Variants in PPIP5K2 observed in about 807,000 individuals in gnomAD.
PPIP5K2 encodes the protein diphosphoinositol pentakisphosphate kinase 2.
In PPIP5K2, 105 loss-of-function variants were observed where a neutral mutation model predicts 154.6. That is an observed-to-expected ratio of 0.68 (90% confidence interval 0.58 to 0.80). PPIP5K2 has a LOEUF of 0.80. PPIP5K2 is among the 30% of genes least tolerant of loss of function. PPIP5K2 has a pLI of 0.00. For synonymous variants in PPIP5K2, 480 were observed against 490.3 expected, an observed-to-expected ratio of 0.98 and a Z score of 0.28; for missense variants, 992 against 1,504.6, an observed-to-expected ratio of 0.66 and a Z score of 5.64.
intron 19 of PPIP5K2, among the ~76,000 whole-genome samples, chr5:103,172,694 C>T (rs1258163840): frequency 2.0e-5 from 3 of 151,744 alleles, no homozygotes; most frequent in African/African-American, 7.3e-5. Flanking sequence ...CCAGTTAAAA[C>T]TTTAAAAATA....
intron 21 of PPIP5K2, chr5:103,176,809 G>A: frequency 9.5e-7 from 1 of 1,048,800 alleles, no homozygotes; most frequent in Non-Finnish European, 1.4e-6. Flanking sequence ...AATGCTTGTA[G>A]TACATGTTCT....
At chr5:103,183,176 C>CA (rs1799808735) in intron 24 of PPIP5K2, 58 bp from the exon 25 acceptor site, 1 of 538,166 alleles carries the variant, frequency 1.9e-6, no homozygotes, top group African/African-American at 6.5e-5. Flanking sequence ...GCATGCTCTG[C>CA]TTTTTTTTTT....
In PPIP5K2 at chr5:103,201,816, G is replaced by A; in HGVS notation, c.*182G>A. 1.8e-6 allele frequency: 1 copy of A among 553,134 alleles called. No individual in the cohort carries two copies. Among genetic ancestry groups the A allele is most frequent in the African/African-American group, 1.9e-5 (1 of 51,376 alleles). The allele number at this position is 553,134 out of a possible 1,614,324, so 34.3% of individuals were successfully genotyped here. On this transcript the variant is annotated 3_prime_UTR_variant, in exon 31 of 31. Transcript: ENST00000358359. ...TTAAAACAATGTTTGTTAGCATTCTGTGAGCAGCAAAACTTATAGTGATAA... is the reference window on the plus strand; with the variant it reads ...TTAAAACAATGTTTGTTAGCATTCTATGAGCAGCAAAACTTATAGTGATAA...
At chr5:103,143,415 T>A (rs1317615410) in intron 5 of PPIP5K2, among the ~76,000 whole-genome samples, 3 of 152,194 alleles carry the variant, frequency 2.0e-5, no homozygotes, top group African/African-American at 7.2e-5. Context: ...CAAAACTCCT[T>A]GGCTCATGTG....
intron 2 of PPIP5K2, among the ~76,000 whole-genome samples, chr5:103,130,428 C>T (rs180774517): frequency 2.6e-5 from 4 of 152,078 alleles, no homozygotes; most frequent in Middle Eastern, 6.8e-3. Context: ...TCATATATTT[C>T]TAATTGGAAA....
chr5:103,196,843 A>G (rs574915827), intron 30 of PPIP5K2, among the ~76,000 whole-genome samples: 5 of 152,260 alleles, frequency 3.3e-5, no homozygotes, highest in Admixed American at 6.5e-5. Context: ...TGAGGAAAAA[A>G]ACATAGGGTA....
chr5:103,129,657 A>C lies in PPIP5K2; in HGVS notation c.68A>C (p.His23Pro). ...GAAATAAATCCTGGAAATTATCGACATTTCTTCCACCATGCAGATGAAGAC... is the reference window on the plus strand; with the variant it reads ...GAAATAAATCCTGGAAATTATCGACCTTTCTTCCACCATGCAGATGAAGAC... ...DTEINPGNYR[H>P]FFHHADEDDE... Residue 23 changes from histidine to proline, a missense_variant, in exon 2 of 31, where the codon CAT (histidine) becomes CCT (proline). Transcript: ENST00000358359. 6.2e-7 allele frequency: 1 copy of C among 1,609,716 alleles called. No individual in the cohort carries two copies.
intron 5 of PPIP5K2, among the ~76,000 whole-genome samples, chr5:103,140,586 ACGCCTGTAATCC>A (rs1554206120): frequency 6.6e-6 from 1 of 152,150 alleles, no homozygotes; most frequent in Admixed American, 6.5e-5. Flanking sequence ...GCGGTGGCTC[ACGCCTGTAATCC>A]CAGCACTTTG....
intron 4 of PPIP5K2, 55 bp downstream of exon 4, chr5:103,136,877 C>A: frequency 8.0e-7 from 1 of 1,246,004 alleles, no homozygotes; most frequent in Non-Finnish European, 1.2e-6. Flanking sequence ...TAATTTAGTA[C>A]CTACTGTACA....
chr5:103,151,981 T>C (rs1554211522), intron 9 of PPIP5K2, among the ~76,000 whole-genome samples: 1 of 152,000 alleles, frequency 6.6e-6, no homozygotes, highest in Admixed American at 6.5e-5. Flanking sequence ...ATAGGAAACT[T>C]ACATTAAAAA....
At chr5:103,129,785 T>C in intron 2 of PPIP5K2, 82 bp downstream of exon 2, 1 of 1,394,524 alleles carries the variant, frequency 7.2e-7, no homozygotes, top group African/African-American at 1.5e-5. Context: ...CTTTTTTTGT[T>C]GGAAAATTTT....
At position 103,180,129 on chromosome 5, in the gene PPIP5K2, C is replaced by A; in HGVS notation, c.2863C>A (p.Pro955Thr). Residue 955 changes from proline to threonine, a missense_variant, in exon 24 of 31, where the codon CCA becomes ACA. This residue lies in a region of PPIP5K2 where 204 missense variants were observed against 224.0 expected (regional missense o/e 0.91). Coordinates refer to ENST00000358359, the MANE Select transcript of PPIP5K2 (RefSeq NM_001276277.3). ...VILFKPMVSE[P>T]IHIHRKSPLP... is the part of the protein sequence containing the mutation. Reference sequence around the variant, plus strand: ...ATTGTTTAAACCAATGGTATCAGAGCCAATTCATATACACAGGAAGTCTCC... The same window carrying A: ...ATTGTTTAAACCAATGGTATCAGAGACAATTCATATACACAGGAAGTCTCC... The A allele has an allele frequency of 6.2e-7, 1 of 1,603,470 alleles. No homozygotes were observed.
chr5:103,128,432 A>G (rs970817798), intron 1 of PPIP5K2, among the ~76,000 whole-genome samples: 2 of 151,062 alleles, frequency 1.3e-5, no homozygotes, highest in African/African-American at 4.9e-5. Context: ...TTTGAGACAG[A>G]GTCTTTCTCT....
Position 103,190,865 on chromosome 5 carries a change from C to G in PPIP5K2, c.3376C>G (p.Pro1126Ala), listed in dbSNP as rs1554226683. 1.9e-6 allele frequency: 3 copies of G among 1,597,024 alleles called. No individual in the cohort carries two copies. The highest frequency in any genetic ancestry group is 2.6e-6 in the Non-Finnish European group (3 of 1,172,194). The change falls in exon 29 of 31, where the codon CCA (proline) becomes GCA (alanine). Residue 1126 changes from proline (P) to alanine (A), a missense_variant. By Grantham distance (27) the Pro-to-Ala change is conservative. Transcript: ENST00000358359. ...AGGCTTTGAATTGTATTCCATGGTG[C>G]CATCTATTTGTCCTCTAGAAACTCT... ...TNGFELYSMV[P>A]SICPLETLHN... is the part of the protein sequence containing the mutation.
intron 21 of PPIP5K2, among the ~76,000 whole-genome samples, chr5:103,174,810 T>C (rs1798458028): frequency 6.6e-6 from 1 of 152,098 alleles, no homozygotes; most frequent in Non-Finnish European, 1.5e-5. Flanking sequence ...CCCTGTCCTA[T>C]TGTAAGAAGA....
At chr5:103,133,284 A>G (rs1282458352) in intron 2 of PPIP5K2, among the ~76,000 whole-genome samples, 169 bp from the exon 3 acceptor site, 1 of 152,102 alleles carries the variant, frequency 6.6e-6, no homozygotes, top group African/African-American at 2.4e-5. Flanking sequence ...CTGTTTTTTA[A>G]ATGTTTATTA....
Position 103,201,848 on chromosome 5 carries a change from A to G in PPIP5K2, c.*214A>G, listed in dbSNP as rs1048342689. Reference sequence around the variant, plus strand: ...GCAAAACTTATAGTGATAAAAATCGATTGTTGTTAATATGATGTTTACCAT... The same window carrying G: ...GCAAAACTTATAGTGATAAAAATCGGTTGTTGTTAATATGATGTTTACCAT... On this transcript the variant is annotated 3_prime_UTR_variant, in exon 31 of 31. Coordinates refer to ENST00000358359, the MANE Select transcript of PPIP5K2 (RefSeq NM_001276277.3). 1 of 484,122 alleles carries G rather than the reference A, an allele frequency of 2.1e-6. No homozygotes were observed. The highest frequency in any genetic ancestry group is 3.7e-6 in the Non-Finnish European group (1 of 269,580). The allele number at this position is 484,122 out of a possible 1,614,324, so 30.0% of individuals were successfully genotyped here.
At chr5:103,196,336 G>A (rs935633353) in intron 30 of PPIP5K2, among the ~76,000 whole-genome samples, 1 of 152,076 alleles carries the variant, frequency 6.6e-6, no homozygotes, top group Non-Finnish European at 1.5e-5. Context: ...TTATAAGTCA[G>A]AGGCAATATC....
chr5:103,168,120 G>T lies in PPIP5K2; in HGVS notation c.2111G>T (p.Trp704Leu). 1 of 1,610,092 alleles carries T rather than the reference G, an allele frequency of 6.2e-7. No individual in the cohort carries two copies. Residue 704 changes from tryptophan (W) to leucine (L), a missense_variant, in exon 19 of 31, where the codon TGG (tryptophan) becomes TTG (leucine). By Grantham distance (61) the Trp-to-Leu change is moderately conservative. This residue lies in a region of PPIP5K2 where 157 missense variants were observed against 281.2 expected (regional missense o/e 0.56). Transcript: ENST00000358359. ...SETLELMLRR[W>L]SKLEKDFKTK... ...ACATTGGAGCTTATGCTACGTAGAT[G>T]GTCCAAGTTAGAGAAAGACTTTAAA...
Sources: gnomAD v4.1 joint callset for allele counts (sites outside exome capture counted in the v4.1 genomes callset) on GRCh38, gnomAD v4.1.1 for gene constraint, gnomAD v4.1.1 regional missense constraint, MANE v1.5 for transcripts, NCBI Gene and HGNC (gene_info 2026-07-23, HGNC 2026-07-21) for gene names.